RUNDC3B: variants seen among roughly 807,000 people sequenced by gnomAD.
RUNDC3B encodes RUN domain containing 3B.
In RUNDC3B, 33 loss-of-function variants were observed where a neutral mutation model predicts 58.4. That is an observed-to-expected ratio of 0.56 (90% CI 0.43 to 0.75). RUNDC3B has a LOEUF of 0.75. Ranked by LOEUF, RUNDC3B falls within the 30% of genes least tolerant of loss-of-function variation. The pLI is 0.00. For missense variants in RUNDC3B, 501 were observed against 535.7 expected, an observed-to-expected ratio of 0.94 and a Z score of 0.64; for synonymous variants, 193 against 195.2, an observed-to-expected ratio of 0.99 and a Z score of 0.10.
chr7:87,739,204 C>T (rs1351407806), intron 4 of RUNDC3B, among the ~76,000 whole-genome samples: 1 of 151,812 alleles, frequency 6.6e-6, no homozygotes, highest in East Asian at 1.9e-4. Flanking sequence ...CCATTTTTGT[C>T]AAGGAGATAT....
intron 2 of RUNDC3B, among the ~76,000 whole-genome samples, chr7:87,685,486 T>A (rs1191251119): frequency 6.6e-6 from 1 of 151,716 alleles, no homozygotes; most frequent in Non-Finnish European, 1.5e-5. Flanking sequence ...GTTCATACAC[T>A]GGACAAACTC....
intron 4 of RUNDC3B, among the ~76,000 whole-genome samples, chr7:87,718,447 G>A (rs1436799187): frequency 1.3e-5 from 2 of 152,126 alleles, no homozygotes; most frequent in Non-Finnish European, 2.9e-5. Flanking sequence ...GGCACAGTGA[G>A]CCATTCTTAC....
intron 8 of RUNDC3B, among the ~76,000 whole-genome samples, chr7:87,797,852 C>A (rs146848705): frequency 1.3e-5 from 2 of 151,948 alleles, no homozygotes; most frequent in Admixed American, 6.6e-5. Context: ...TTTTGCGATG[C>A]GAATTAACTT....
In RUNDC3B at chr7:87,716,575, G is replaced by GTAGCC. The variant is rs1830566762; in HGVS notation, c.458+5922_458+5926dup. 2.0e-5 allele frequency among the ~76,000 whole-genome samples: 3 copies of GTAGCC among 152,208 alleles called. No homozygotes were observed. The South Asian group carries it at 6.2e-4, about 32-fold the overall frequency. Reference sequence around the variant, plus strand: ...TGTTTCTTTTCTAATTTGTCTCTGCGTAGCCTGCAAACTAGTGAAGTTCTT... The same window carrying GTAGCC: ...TGTTTCTTTTCTAATTTGTCTCTGCGTAGCCTAGCCTGCAAACTAGTGAAGTTCTT... On this transcript the variant is annotated intron_variant, in intron 4 of 10. Coordinates refer to ENST00000394654, the MANE Select transcript of RUNDC3B (RefSeq NM_001134405.2).
At chr7:87,818,394 C>CA (rs778655457) in intron 10 of RUNDC3B, among the ~76,000 whole-genome samples, 19 of 152,014 alleles carry the variant, frequency 1.2e-4, no homozygotes, top group Non-Finnish European at 2.4e-4. Flanking sequence ...AAGGAGGCTG[C>CA]ATGATATAAT....
At chr7:87,722,841 A>C (rs1001354723) in intron 4 of RUNDC3B, among the ~76,000 whole-genome samples, 1 of 152,178 alleles carries the variant, frequency 6.6e-6, no homozygotes, top group African/African-American at 2.4e-5. Context: ...GGGACTTGAC[A>C]ACTTCACAGT....
At chr7:87,810,359 T>A (rs956598280) in intron 9 of RUNDC3B, among the ~76,000 whole-genome samples, 8 of 152,208 alleles carry the variant, frequency 5.3e-5, no homozygotes, top group African/African-American at 1.7e-4. Flanking sequence ...ATACCTTATT[T>A]AGCATGGTGT....
intron 2 of RUNDC3B, among the ~76,000 whole-genome samples, chr7:87,661,972 G>A (rs1443563820): frequency 1.3e-5 from 2 of 151,892 alleles, no homozygotes; most frequent in Non-Finnish European, 2.9e-5. Flanking sequence ...ATATATCATT[G>A]TACTTTTGAT....
At chr7:87,715,747 A>G (rs1300259749) in intron 4 of RUNDC3B, among the ~76,000 whole-genome samples, 1 of 151,824 alleles carries the variant, frequency 6.6e-6, no homozygotes, top group Non-Finnish European at 1.5e-5. Context: ...CAAAAATCAG[A>G]AAGGCCAGTC....
chr7:87,720,019 CTT>C (rs1830779907), intron 4 of RUNDC3B, among the ~76,000 whole-genome samples: 1 of 143,862 alleles, frequency 7.0e-6, no homozygotes, highest in Non-Finnish European at 1.5e-5. Context: ...GAAAGAAAAA[CTT>C]TGCAAAGCAA....
intron 1 of RUNDC3B, among the ~76,000 whole-genome samples, chr7:87,649,076 C>A (rs1020325160): frequency 4.6e-5 from 7 of 151,992 alleles, no homozygotes; most frequent in African/African-American, 1.7e-4. Flanking sequence ...TTAACAGCTC[C>A]CCTTATCTTC....
At chr7:87,747,980 C>G (rs1832744426) in intron 6 of RUNDC3B, among the ~76,000 whole-genome samples, 1 of 152,132 alleles carries the variant, frequency 6.6e-6, no homozygotes, top group Non-Finnish European at 1.5e-5. Context: ...TGCGCTCTTC[C>G]CCGAGTTCTG....
intron 4 of RUNDC3B, among the ~76,000 whole-genome samples, chr7:87,718,589 T>C (rs1431665367): frequency 6.6e-6 from 1 of 152,124 alleles, no homozygotes; most frequent in Non-Finnish European, 1.5e-5. Context: ...ACCATATTCA[T>C]ACATCTAAAA....
At chr7:87,696,433 T>A (rs1828498346) in intron 2 of RUNDC3B, among the ~76,000 whole-genome samples, 1 of 152,146 alleles carries the variant, frequency 6.6e-6, no homozygotes, top group Non-Finnish European at 1.5e-5. Context: ...AAAGTGATGT[T>A]CAAATAATAT....
At chr7:87,693,499 A>C (rs1296171554) in intron 2 of RUNDC3B, among the ~76,000 whole-genome samples, 2 of 152,166 alleles carry the variant, frequency 1.3e-5, no homozygotes, top group Non-Finnish European at 2.9e-5. Context: ...TTCCAAAGTG[A>C]GTGATTTTTT....
intron 3 of RUNDC3B, chr7:87,709,372 G>A (rs1463294731): frequency 1.0e-6 from 1 of 985,214 alleles, no homozygotes; most frequent in African/African-American, 1.7e-5. Context: ...AGAATTTTGA[G>A]ACTACTGGCC....
intron 2 of RUNDC3B, chr7:87,659,205 G>C (rs1585025804): frequency 2.3e-6 from 1 of 426,478 alleles, no homozygotes; most frequent in Non-Finnish European, 4.7e-6. Flanking sequence ...CAGGAAGAAA[G>C]GATACAGTAA....
At position 87,831,224 on chromosome 7, in the gene RUNDC3B, T is replaced by TG. The variant is rs1838111211; in HGVS notation, c.*1195dup. The TG allele has an allele frequency of 6.6e-6, 1 of 151,784 alleles. No individual in the cohort carries two copies. The highest frequency in any genetic ancestry group is 2.4e-5 in the African/African-American group (1 of 41,384). The allele number at this position is 151,784 out of a possible 1,614,324, so 9.4% of individuals were successfully genotyped here. On this transcript the variant is annotated 3_prime_UTR_variant, in exon 11 of 11. Transcript: ENST00000394654. The stretch of plus-strand genomic sequence containing the variant: ...AATATGAGGAAAACATGATTAGCTG[T>TG]GCCAAAGAAATTTTATACATTGTTT...
At chr7:87,680,817 A>C (rs1826858733) in intron 2 of RUNDC3B, among the ~76,000 whole-genome samples, 1 of 150,362 alleles carries the variant, frequency 6.7e-6, no homozygotes, top group South Asian at 2.1e-4. Flanking sequence ...GAAAAGAAAA[A>C]AGAAAAAGAA....
Sources: allele counts gnomAD v4.1 joint callset (sites outside exome capture counted in the v4.1 genomes callset), GRCh38; gene constraint gnomAD v4.1.1; transcripts MANE v1.5; gene names NCBI Gene and HGNC (gene_info 2026-07-23, HGNC 2026-07-21).